SAMTOR: variants seen among roughly 807,000 people sequenced by gnomAD.
SAMTOR encodes the protein UPF0532 protein C7orf60.
At chr7:112,935,196 G>T in the SAMTOR span, 4 of 437,182 alleles carry the variant, frequency 9.1e-6, no homozygotes, top group Non-Finnish European at 1.8e-5. Context: ...CTTGAGAAAA[G>T]AATCTGTTCA....
the SAMTOR span, among the ~76,000 whole-genome samples, chr7:112,882,447 T>C: frequency 2.6e-5 from 4 of 152,038 alleles, no homozygotes; most frequent in Non-Finnish European, 5.9e-5. Context: ...TCCCAGCACT[T>C]TGGGAGGCCG....
chr7:112,888,536 A>G, the SAMTOR span, among the ~76,000 whole-genome samples: 3 of 152,088 alleles, frequency 2.0e-5, no homozygotes, highest in Admixed American at 1.3e-4. Flanking sequence ...CATGTTATAC[A>G]CATATTCAAA....
the SAMTOR span, among the ~76,000 whole-genome samples, chr7:112,833,003 C>T: frequency 6.6e-6 from 1 of 152,132 alleles, no homozygotes; most frequent in Non-Finnish European, 1.5e-5. Flanking sequence ...TCTTGAACTC[C>T]TGAGCTCAAG....
At chr7:112,905,622 A>C in the SAMTOR span, among the ~76,000 whole-genome samples, 2 of 152,200 alleles carry the variant, frequency 1.3e-5, no homozygotes, top group Non-Finnish European at 2.9e-5. Flanking sequence ...GTTCAGCATA[A>C]GAAAATCCAC....
the SAMTOR span, chr7:112,915,567 C>G: frequency 1.5e-6 from 1 of 658,698 alleles, no homozygotes; most frequent in Non-Finnish European, 2.2e-6. Flanking sequence ...TAAAGTAAAA[C>G]CATAAAATTT....
chr7:112,827,349 T>A, the SAMTOR span, among the ~76,000 whole-genome samples: 1 of 152,226 alleles, frequency 6.6e-6, no homozygotes, highest in Non-Finnish European at 1.5e-5. Context: ...CACTTGATTG[T>A]TGTTCCCTTC....
chr7:112,838,007 C>T, the SAMTOR span, among the ~76,000 whole-genome samples: 1 of 151,974 alleles, frequency 6.6e-6, no homozygotes, highest in African/African-American at 2.4e-5. Flanking sequence ...GAACACTAGA[C>T]TTCAACACCA....
At chr7:112,927,987 C>A in the SAMTOR span, among the ~76,000 whole-genome samples, 2 of 151,904 alleles carry the variant, frequency 1.3e-5, no homozygotes, top group African/African-American at 4.8e-5. Context: ...AACTCACCTT[C>A]AAAAACACTA....
At chr7:112,886,027 C>T in the SAMTOR span, among the ~76,000 whole-genome samples, 1 of 152,146 alleles carries the variant, frequency 6.6e-6, no homozygotes, top group South Asian at 2.1e-4. Context: ...TGTCCTTCCT[C>T]ACCTGGTGGC....
the SAMTOR span, among the ~76,000 whole-genome samples, chr7:112,930,712 T>G: frequency 1.3e-5 from 2 of 152,342 alleles, no homozygotes; most frequent in East Asian, 3.9e-4. Context: ...AAGCTTAGTG[T>G]GTTTCCTATA....
the SAMTOR span, among the ~76,000 whole-genome samples, chr7:112,839,341 G>T: frequency 6.6e-6 from 1 of 151,830 alleles, no homozygotes; most frequent in Non-Finnish European, 1.5e-5. Flanking sequence ...GAGCAAGATA[G>T]AAATTAATCA....
the SAMTOR span, among the ~76,000 whole-genome samples, chr7:112,848,203 GTAACTA>G: frequency 6.6e-6 from 1 of 151,992 alleles, no homozygotes; most frequent in Non-Finnish European, 1.5e-5. Context: ...CTTATATTAA[GTAACTA>G]TAATTATAAA....
At chr7:112,867,928 T>C in the SAMTOR span, among the ~76,000 whole-genome samples, 1 of 152,154 alleles carries the variant, frequency 6.6e-6, no homozygotes, top group Non-Finnish European at 1.5e-5. Flanking sequence ...ACCTGAGCTC[T>C]GCCTTCTGTT....
chr7:112,935,689 A>C, the SAMTOR span, among the ~76,000 whole-genome samples: 1 of 152,216 alleles, frequency 6.6e-6, no homozygotes, highest in South Asian at 2.1e-4. Context: ...GAATAATTTG[A>C]TAAAATGTCC....
At chr7:112,938,930 C>A in the SAMTOR span, among the ~76,000 whole-genome samples, 1 of 152,288 alleles carries the variant, frequency 6.6e-6, no homozygotes, top group African/African-American at 2.4e-5. Context: ...TCAGAACCTG[C>A]CCAGATCTCT....
the SAMTOR span, among the ~76,000 whole-genome samples, chr7:112,882,939 G>A: frequency 1.3e-5 from 2 of 152,060 alleles, no homozygotes; most frequent in Non-Finnish European, 2.9e-5. Context: ...AAACCAGAGA[G>A]CATTAAAGAG....
At chr7:112,900,836 C>CA in the SAMTOR span, among the ~76,000 whole-genome samples, 3 of 151,182 alleles carry the variant, frequency 2.0e-5, no homozygotes, top group African/African-American at 4.9e-5. Context: ...CATCCACATG[C>CA]AAAAAAAGAA....
At chr7:112,865,319 C>G in the SAMTOR span, among the ~76,000 whole-genome samples, 1 of 151,958 alleles carries the variant, frequency 6.6e-6, no homozygotes, top group Admixed American at 6.6e-5. Flanking sequence ...CTCTCTGTCA[C>G]CAGGCTGGAG....
chr7:112,910,807 GA>G, the SAMTOR span, among the ~76,000 whole-genome samples: 1 of 152,094 alleles, frequency 6.6e-6, no homozygotes, highest in African/African-American at 2.4e-5. Context: ...GGTACCATGA[GA>G]AAACAATCAG....
Sources: allele counts gnomAD v4.1 joint callset (sites outside exome capture counted in the v4.1 genomes callset), GRCh38; gene constraint gnomAD v4.1.1; transcripts MANE v1.5; gene names NCBI Gene and HGNC (gene_info 2026-07-23, HGNC 2026-07-21).